The following MBD5 variants were observed in gnomAD, a reference collection of about 807,000 sequenced individuals.
MBD5 encodes methyl-CpG-binding domain protein 5.
A neutral mutation model predicts 117.3 loss-of-function variants in MBD5; 13 were observed. The ratio of observed to expected loss-of-function variants is 0.11; its 90% CI spans 0.07 to 0.18. The LOEUF (loss-of-function observed/expected upper bound fraction) is 0.18. MBD5 is among the 10% of genes least tolerant of loss of function. The probability of loss-of-function intolerance (pLI) is 1.00; values close to 1 mark genes in which losing one functional copy is unlikely to be tolerated. For missense variants in MBD5, 1,879 were observed against 2,093.8 expected, an observed-to-expected ratio of 0.90 and a Z score of 2.00; for synonymous variants, 727 against 766.4, an observed-to-expected ratio of 0.95 and a Z score of 0.85.
chr2:148,340,692 G>C (rs1702914202), intron 3 of MBD5, among the ~76,000 whole-genome samples: 1 of 151,972 alleles, frequency 6.6e-6, no homozygotes, highest in African/African-American at 2.4e-5. Context: ...CTAAAAGCCA[G>C]GTGGCAATAA....
At chr2:148,113,626 T>C (rs1574028287) in intron 1 of MBD5, among the ~76,000 whole-genome samples, 2 of 152,220 alleles carry the variant, frequency 1.3e-5, no homozygotes, top group Admixed American at 1.3e-4. Context: ...TTAGGAAAAG[T>C]TAATCAGTAG....
At chr2:148,127,950 ATTG>A (rs1696942849) in intron 1 of MBD5, among the ~76,000 whole-genome samples, 1 of 152,064 alleles carries the variant, frequency 6.6e-6, no homozygotes, top group Non-Finnish European at 1.5e-5. Flanking sequence ...ATGGTATCTC[ATTG>A]TTGTTTTAAT....
At chr2:148,098,202 G>A (rs934261849) in intron 1 of MBD5, among the ~76,000 whole-genome samples, 1 of 152,166 alleles carries the variant, frequency 6.6e-6, no homozygotes, top group African/African-American at 2.4e-5. Flanking sequence ...CATCAGTCCA[G>A]TTAAGCAATG....
chr2:148,148,495 T>A (rs1048605713), intron 1 of MBD5, among the ~76,000 whole-genome samples: 2 of 152,190 alleles, frequency 1.3e-5, no homozygotes, highest in African/African-American at 4.8e-5. Context: ...ATTTCCAGAG[T>A]TCTGAAAAAG....
rs561860000 is a variant in MBD5, at chr2:148,117,714, A to T, written c.-924-60986A>T. The stretch of plus-strand genomic sequence containing the variant: ...CATCAAAATTATCATTATTATGTTT[A>T]TTAAGTATTTAACTGCATGGCAGAC... On this transcript the variant is annotated intron_variant, in intron 1 of 13. Transcript: ENST00000642680. Among the ~76,000 whole-genome samples, 47 of 152,326 alleles carry T rather than the reference A, an allele frequency of 3.1e-4. 1 individual carries two copies. In the South Asian group the frequency reaches 7.5e-3, roughly 24 times the overall value.
intron 3 of MBD5, among the ~76,000 whole-genome samples, chr2:148,313,232 T>C (rs1402853111): frequency 6.6e-6 from 1 of 152,162 alleles, no homozygotes; most frequent in African/African-American, 2.4e-5. Flanking sequence ...AACATTTATA[T>C]CTGCTGAAGC....
Position 148,463,917 on chromosome 2 carries a change from C to G in MBD5, c.395C>G (p.Thr132Arg), listed in dbSNP as rs777567039. Reference protein sequence around the residue: ...SLVLTSPGGGTNATPVVPSRA... With the variant: ...SLVLTSPGGGRNATPVVPSRA... Reference sequence around the variant, plus strand: ...GTGCTCACCAGTCCCGGAGGAGGAACAAGTATGTAATATGGTGAAAGGTTC... The same window carrying G: ...GTGCTCACCAGTCCCGGAGGAGGAAGAAGTATGTAATATGGTGAAAGGTTC... The change falls in exon 7 of 14, where the codon ACA becomes AGA. Residue 132 changes from threonine (T) to arginine (R), a missense_variant and splice_region_variant. Thr to Arg is a moderately conservative substitution (Grantham distance 71, BLOSUM62 -1). Coordinates refer to ENST00000642680, the MANE Select transcript of MBD5 (RefSeq NM_001378120.1). The G allele has an allele frequency of 6.2e-6, 10 of 1,613,314 alleles. No homozygotes were observed. The highest frequency in any genetic ancestry group is 8.5e-6 in the Non-Finnish European group (10 of 1,179,530).
intron 4 of MBD5, among the ~76,000 whole-genome samples, chr2:148,382,080 A>G (rs1159320746): frequency 6.6e-6 from 1 of 152,162 alleles, no homozygotes; most frequent in East Asian, 1.9e-4. Context: ...CTAACATCAT[A>G]ATGACAGGAT....
intron 4 of MBD5, among the ~76,000 whole-genome samples, chr2:148,359,297 A>G (rs1404185): frequency 0.5 from 75,157 of 150,566 alleles, 18,982 homozygotes; most frequent in East Asian, 0.75. Context: ...GTAGTGTTTT[A>G]TTTTCAGTTA....
chr2:148,141,791 C>CA lies in MBD5; in HGVS notation c.-924-36897dup, dbSNP rs67998222. Reference sequence around the variant, plus strand: ...TAGGTGACAGAGCAAGACCCCGTCTCAAAAAAAAAAAATGTTTTTAATAAA... The same window carrying CA: ...TAGGTGACAGAGCAAGACCCCGTCTCAAAAAAAAAAAAATGTTTTTAATAAA... On this transcript the variant is annotated intron_variant, in intron 1 of 13. Transcript: ENST00000642680. 9.0e-3 allele frequency among the ~76,000 whole-genome samples: 1,155 copies of CA among 128,708 alleles called. 13 individuals are homozygous for CA. Among genetic ancestry groups the CA allele is most frequent in the African/African-American group, 0.028 (1,081 of 38,084 alleles). 84.4% of individuals were successfully genotyped at this position (128,708 alleles called of 152,430 possible). A position where few individuals can be genotyped will look rare whatever the true frequency, so the allele number is the denominator to read the frequency against.
At chr2:148,218,557 AC>A (rs1699611380) in intron 2 of MBD5, among the ~76,000 whole-genome samples, 1 of 152,204 alleles carries the variant, frequency 6.6e-6, no homozygotes, top group South Asian at 2.1e-4. Flanking sequence ...TGACATGAGT[AC>A]TTTCTGTATT....
intron 4 of MBD5, among the ~76,000 whole-genome samples, chr2:148,425,606 T>C (rs1191309979): frequency 6.6e-6 from 1 of 152,136 alleles, no homozygotes; most frequent in Non-Finnish European, 1.5e-5. Context: ...CAGGCCAATA[T>C]CCCTGATGAA....
At chr2:148,071,619 C>T (rs1207251963) in intron 1 of MBD5, 1 of 152,120 alleles carries the variant, frequency 6.6e-6, no homozygotes, top group African/African-American at 2.4e-5. Context: ...TATGTTTTTA[C>T]CTGTTGTAGA....
intron 3 of MBD5, among the ~76,000 whole-genome samples, chr2:148,240,124 A>G (rs1238100118): frequency 6.6e-6 from 1 of 152,174 alleles, no homozygotes; most frequent in Non-Finnish European, 1.5e-5. Flanking sequence ...ATAGGGACAT[A>G]GATGAAGCTG....
chr2:148,025,793 TATC>T (rs2105548600), intron 1 of MBD5: 2 of 152,278 alleles, frequency 1.3e-5, no homozygotes, highest in Admixed American at 6.5e-5. Context: ...GTAGTAGAAA[TATC>T]ATTGCAAAAT....
chr2:148,179,230 G>C lies in MBD5; in HGVS notation c.-831+437G>C, dbSNP rs185752912. Among the ~76,000 whole-genome samples, 803 of 151,696 alleles carry C rather than the reference G, an allele frequency of 5.3e-3. 2 individuals carry two copies. The highest frequency in any genetic ancestry group is 7.9e-3 in the Non-Finnish European group (536 of 67,890). On this transcript the variant is annotated intron_variant, in intron 2 of 13. Transcript: ENST00000642680. ...ATTAGGCGGGCGTGGTGGCAGGCGC[G>C]TGTAGTCCCAGCTACTCGGGAGGCT...
intron 1 of MBD5, among the ~76,000 whole-genome samples, chr2:148,150,505 G>A (rs1697626628): frequency 6.6e-6 from 1 of 152,074 alleles, no homozygotes; most frequent in South Asian, 2.1e-4. Context: ...GATGGGGATG[G>A]CCTTGAATCT....
chr2:148,345,247 C>A (rs2105176909), intron 4 of MBD5, among the ~76,000 whole-genome samples: 2 of 142,312 alleles, frequency 1.4e-5, no homozygotes, highest in Middle Eastern at 7.5e-3. Flanking sequence ...CCCACACATA[C>A]ACATGCGCAT....
At chr2:148,273,983 T>C (rs1701043496) in intron 3 of MBD5, among the ~76,000 whole-genome samples, 1 of 152,210 alleles carries the variant, frequency 6.6e-6, no homozygotes, top group African/African-American at 2.4e-5. Context: ...TATTCTGCTA[T>C]ACCCATCAAG....
Sources: gnomAD v4.1 joint callset for allele counts (sites outside exome capture counted in the v4.1 genomes callset) on GRCh38, gnomAD v4.1.1 for gene constraint, MANE v1.5 for transcripts, NCBI Gene and HGNC (gene_info 2026-07-23, HGNC 2026-07-21) for gene names.